The following SEZ6L2 variants were observed in gnomAD, a reference collection of about 807,000 sequenced individuals.
The protein encoded by SEZ6L2 is seizure 6-like protein 2.
SEZ6L2 carries 44 observed loss-of-function variants against 97.0 expected under a neutral mutation model. The observed-to-expected ratio is 0.45, with a 90% confidence interval of 0.36 to 0.58. SEZ6L2 has a LOEUF of 0.58. Ranked by LOEUF, SEZ6L2 falls within the 20% of genes least tolerant of loss-of-function variation. The pLI, the probability that SEZ6L2 is intolerant of heterozygous loss-of-function variation, is 0.00. For missense variants in SEZ6L2, 1,086 were observed against 1,233.3 expected (o/e 0.88, Z 1.79); for synonymous variants, 543 against 546.1 (o/e 0.99, Z 0.08).
Position 29,876,633 on chromosome 16 carries a change from C to T in SEZ6L2, c.2104+123G>A. 2.2e-6 allele frequency: 2 copies of T among 893,994 alleles called. No individual in the cohort carries two copies. The highest frequency in any genetic ancestry group is 1.8e-5 in the South Asian group (1 of 56,704). The allele number at this position is 893,994 out of a possible 1,614,324, so 55.4% of individuals were successfully genotyped here. ...CATGGGGGCAGGCCTTGAAGAAGAT[C>T]CAGGAAGGACCCCGAGCGAAGGGAT... On this transcript the variant is annotated intron_variant, in intron 12 of 17. Coordinates refer to ENST00000617533, the MANE Select transcript of SEZ6L2 (RefSeq NM_001243332.2). This position sits in a 1 kb window ranked among gnomAD's most constrained non-coding sequence, Gnocchi z 6.5.
intron 1 of SEZ6L2, among the ~76,000 whole-genome samples, chr16:29,898,724 G>T (rs537764442): frequency 2.0e-5 from 3 of 152,230 alleles, no homozygotes; most frequent in African/African-American, 7.2e-5. Context: ...CTGAGACACT[G>T]CTAAAAGCTT....
Position 29,897,024 on chromosome 16 carries a change from C to T in SEZ6L2, c.309G>A (p.Leu103=). Residue 103 remains leucine, a synonymous_variant, in exon 3 of 18, where the codon CTG becomes CTA. Coordinates refer to ENST00000617533, the MANE Select transcript of SEZ6L2 (RefSeq NM_001243332.2). ...PRATEPGTGP[L]TTAVTPNGVR... ...CCCCGTTAGGGGTGACGGCTGTTGT[C>T]AGAGGCCCTGTCCCCGGCTCAGTGG... 2 of 1,582,032 alleles carry T rather than the reference C, an allele frequency of 1.3e-6. No homozygotes were observed. The highest frequency in any genetic ancestry group is 1.8e-5 in the Admixed American group (1 of 56,698).
At chr16:29,874,573 T>G (rs1336917137) in intron 12 of SEZ6L2, among the ~76,000 whole-genome samples, 1,638 of 113,256 alleles carry the variant, frequency 0.014, 177 homozygotes, top group African/African-American at 0.051. Context: ...TTTTTTTTTT[T>G]TTTTTTTTTT....
Position 29,879,948 on chromosome 16 carries a change from G to T in SEZ6L2, c.1489C>A (p.Leu497Met). 6.2e-7 allele frequency: 1 copy of T among 1,614,180 alleles called. No homozygotes were observed. Among genetic ancestry groups the T allele is most frequent in the South Asian group, 1.1e-5 (1 of 91,080 alleles). ...ATFSCLPGYA[L>M]EPPGPPNAIE... ...GCATTGGGGGGCCCAGGGGGCTCCA[G>T]GGCATATCCTGGGAGGCACGAGAAG... Residue 497 changes from leucine to methionine, a missense_variant, in exon 9 of 18, where the codon CTG (leucine) becomes ATG (methionine). Physicochemically the swap from Leu to Met is conservative, Grantham distance 15. Around this residue, in one of 2 missense-constraint regions of SEZ6L2, gnomAD observed 776 missense variants for 794.7 expected, o/e 0.98. Coordinates refer to ENST00000617533, the MANE Select transcript of SEZ6L2 (RefSeq NM_001243332.2).
At chr16:29,879,510 C>T (rs1244595881) in intron 9 of SEZ6L2, among the ~76,000 whole-genome samples, 1 of 152,188 alleles carries the variant, frequency 6.6e-6, no homozygotes, top group African/African-American at 2.4e-5. Context: ...CAGGCGTGAG[C>T]CACCGTGCCC....
intron 3 of SEZ6L2, 85 bp downstream of exon 3, chr16:29,896,737 A>G: frequency 8.1e-7 from 1 of 1,232,046 alleles, no homozygotes; most frequent in South Asian, 1.4e-5. Flanking sequence ...GACTCCTTCC[A>G]CAGTTCCCAG....
At chr16:29,881,840 G>A (rs184905572) in intron 8 of SEZ6L2, among the ~76,000 whole-genome samples, 1,478 of 146,986 alleles carry the variant, frequency 0.01, 26 homozygotes, top group African/African-American at 0.035. Context: ...ATGTTGGCCA[G>A]GCTGGTCTCG....
intron 7 of SEZ6L2, among the ~76,000 whole-genome samples, chr16:29,886,307 T>G (rs2068139705): frequency 6.6e-6 from 1 of 151,998 alleles, no homozygotes; most frequent in Non-Finnish European, 1.5e-5. Flanking sequence ...AGGTGGAGGT[T>G]GCAGTGAGCT....
At chr16:29,878,619 C>T (rs1199096271) in intron 9 of SEZ6L2, among the ~76,000 whole-genome samples, 194 bp from the exon 10 acceptor site, 1 of 151,866 alleles carries the variant, frequency 6.6e-6, no homozygotes, top group African/African-American at 2.4e-5. Context: ...CGGAGTCTCT[C>T]TGTCGCCCAG....
chr16:29,875,175 C>T (rs189958203), intron 12 of SEZ6L2, among the ~76,000 whole-genome samples: 100 of 152,310 alleles, frequency 6.6e-4, no homozygotes, highest in Non-Finnish European at 1.0e-3. Context: ...ACACCTGGCA[C>T]AAACATAATA....
intron 8 of SEZ6L2, among the ~76,000 whole-genome samples, chr16:29,881,620 CTTTTTT>C (rs59318540): frequency 5.2e-4 from 44 of 85,078 alleles, no homozygotes; most frequent in Admixed American, 6.0e-4. Flanking sequence ...ATGAGGAATT[CTTTTTT>C]TTTTTTTTTT....
chr16:29,896,927 T>A lies in SEZ6L2; in HGVS notation c.406A>T (p.Ser136Cys). 2 of 1,438,818 alleles carry A rather than the reference T, an allele frequency of 1.4e-6. No individual in the cohort carries two copies. The highest frequency in any genetic ancestry group is 1.1e-5 in the South Asian group (1 of 87,130). 89.1% of individuals were successfully genotyped at this position (1,438,818 alleles called of 1,614,324 possible). A position where few individuals can be genotyped will look rare whatever the true frequency, so the allele number is the denominator to read the frequency against. ...AGGGGAGGCCCTGGGGAGGCAGGGC[T>A]GGGTGGGGGTGGGGCTGTGGTTCCT... ...PPGTTAPPPP[S>C]PASPGPPLGP... The change falls in exon 3 of 18, where the codon AGC (serine) becomes TGC (cysteine). Residue 136 changes from serine (S) to cysteine (C), a missense_variant. This residue lies in a region of SEZ6L2 where 776 missense variants were observed against 794.7 expected (regional missense o/e 0.98). Transcript: ENST00000617533.
intron 11 of SEZ6L2, 65 bp downstream of exon 11, chr16:29,877,206 G>A (rs2067924137): frequency 1.4e-6 from 2 of 1,454,662 alleles, no homozygotes; most frequent in East Asian, 2.4e-5. Flanking sequence ...CACCACGACC[G>A]GCCACCTCCC....
intron 9 of SEZ6L2, among the ~76,000 whole-genome samples, chr16:29,878,746 ATTTTTTTTTCTTTTTTCTTTTTT>A (rs2067965895): frequency 8.8e-6 from 1 of 114,252 alleles, no homozygotes; most frequent in African/African-American, 3.3e-5. Context: ...ACCACACCCT[ATTTTTTTTTCTTTTTTCTTTTTT>A]TTTTTTTTTG....
chr16:29,882,640 T>G (rs1453707331), intron 8 of SEZ6L2, among the ~76,000 whole-genome samples: 2 of 150,620 alleles, frequency 1.3e-5, no homozygotes, highest in Non-Finnish European at 3.0e-5. Context: ...GGCTGGAGCG[T>G]GCAATGGTGG....
chr16:29,895,568 C>T lies in SEZ6L2; in HGVS notation c.652-108G>A, dbSNP rs78932327. On this transcript the variant is annotated intron_variant, in intron 4 of 17. Transcript: ENST00000617533. ...GTGTGTAGCAGCCCAAAAGGCACCACGCTGCTGCCCAAGTTGTAGAAATCT... is the reference window on the plus strand; with the variant it reads ...GTGTGTAGCAGCCCAAAAGGCACCATGCTGCTGCCCAAGTTGTAGAAATCT... 4.6e-3 allele frequency: 6,429 copies of T among 1,406,104 alleles called. 222 individuals are homozygous for T. In the African/African-American group the frequency reaches 0.075, roughly 16 times the overall value. 87.1% of individuals were successfully genotyped at this position (1,406,104 alleles called of 1,614,324 possible). A position where few individuals can be genotyped will look rare whatever the true frequency, so the allele number is the denominator to read the frequency against.
Position 29,899,304 on chromosome 16 carries a change from A to T in SEZ6L2, c.-285T>A. ...TCCGGCTGCAGGGGGTGGGGCCGAG[A>T]GGGCCGAAGGGGCCGGGTGGCCTGG... On this transcript the variant is annotated 5_prime_UTR_variant, in exon 1 of 18. Coordinates refer to ENST00000617533, the MANE Select transcript of SEZ6L2 (RefSeq NM_001243332.2). 2 of 404,078 alleles carry T rather than the reference A, an allele frequency of 4.9e-6. No homozygotes were observed. The highest frequency in any genetic ancestry group is 8.8e-6 in the Non-Finnish European group (2 of 226,828). 25.0% of individuals were successfully genotyped at this position (404,078 alleles called of 1,614,324 possible).
In SEZ6L2 at chr16:29,892,791, G is replaced by A. The variant is rs549904123; in HGVS notation, c.853+2468C>T. On this transcript the variant is annotated intron_variant, in intron 5 of 17. Coordinates refer to ENST00000617533, the MANE Select transcript of SEZ6L2 (RefSeq NM_001243332.2). ...CTCCATGAAGCATAGGAAGACAGTG[G>A]GGTCTGGAACAGGGCACTGGCTGGG... is the stretch of plus-strand genomic sequence containing the variant. 1.2e-4 allele frequency among the ~76,000 whole-genome samples: 18 copies of A among 152,342 alleles called. 1 individual carries two copies. The South Asian group carries it at 3.1e-3, about 26-fold the overall frequency.
At position 29,876,931 on chromosome 16, in the gene SEZ6L2, C is replaced by G. The variant is rs761157506; in HGVS notation, c.1929G>C (p.Thr643=). ...ACTCCGGAGGTGGCAGCTCGGGGCA[C>G]GTGTCGTTCCTCGGGACCTCTGCAG... The part of the protein sequence containing the change: ...LHFKEVPRND[T]CPELPPPEWG... The change falls in exon 12 of 18, where the codon ACG becomes ACC. Residue 643 remains threonine, a synonymous_variant. Transcript: ENST00000617533. The surrounding 1 kb of genome is among the most constrained non-coding windows in gnomAD (Gnocchi z 6.5). 6.2e-7 allele frequency: 1 copy of G among 1,608,638 alleles called. No homozygotes were observed. Among genetic ancestry groups the G allele is most frequent in the Non-Finnish European group, 8.5e-7 (1 of 1,176,494 alleles).
Sources: gnomAD v4.1 joint callset for allele counts (sites outside exome capture counted in the v4.1 genomes callset) on GRCh38, gnomAD v4.1.1 for gene constraint, gnomAD v4.1.1 regional missense constraint, Gnocchi (gnomAD v3.1) non-coding constraint, MANE v1.5 for transcripts, NCBI Gene and HGNC (gene_info 2026-07-23, HGNC 2026-07-21) for gene names.